The following PITPNM2 variants were observed in gnomAD, a reference collection of about 807,000 sequenced individuals.
The protein encoded by PITPNM2 is membrane-associated phosphatidylinositol transfer protein 2.
PITPNM2 carries 35 observed loss-of-function variants against 132.2 expected under a neutral mutation model. That is an observed-to-expected ratio of 0.26 (90% confidence interval 0.20 to 0.35). The LOEUF (loss-of-function observed/expected upper bound fraction) is 0.35. PITPNM2 is among the 10% of genes least tolerant of loss of function. The pLI, the probability that PITPNM2 is intolerant of heterozygous loss-of-function variation, is 1.00. For missense variants in PITPNM2, 1,332 were observed against 1,912.0 expected, an observed-to-expected ratio of 0.70 and a Z score of 5.66; for synonymous variants, 738 against 799.2, an observed-to-expected ratio of 0.92 and a Z score of 1.29.
At chr12:123,103,846 C>T (rs1291244429) in intron 2 of PITPNM2, among the ~76,000 whole-genome samples, 1 of 152,176 alleles carries the variant, frequency 6.6e-6, no homozygotes, top group African/African-American at 2.4e-5. Flanking sequence ...AAGCAAGAGG[C>T]ACCCAATGCC....
chr12:123,133,918 G>A (rs952308113), intron 1 of PITPNM2, among the ~76,000 whole-genome samples: 1 of 152,166 alleles, frequency 6.6e-6, no homozygotes, highest in African/African-American at 2.4e-5. Flanking sequence ...CTGACCTCAG[G>A]TGATACGCCC....
rs1195177014 is a variant in PITPNM2, at chr12:123,000,513, T to C, written c.1224+265A>G. 2.9e-6 allele frequency: 2 copies of C among 700,810 alleles called. No individual in the cohort carries two copies. The highest frequency in any genetic ancestry group is 5.2e-6 in the Non-Finnish European group (2 of 383,922). The allele number at this position is 700,810 out of a possible 1,614,324, so 43.4% of individuals were successfully genotyped here. A position where few individuals can be genotyped will look rare whatever the true frequency, so the allele number is the denominator to read the frequency against. ...ACAAGTTTCTCATTTTACTTTCCCA[T>C]GGGTGGAGCTTGGATAAGGCTTTCT... On this transcript the variant is annotated intron_variant, in intron 10 of 25. Transcript: ENST00000320201. The surrounding 1 kb of genome is among the most constrained non-coding windows in gnomAD (Gnocchi z 5.4).
Position 123,000,654 on chromosome 12 carries a change from G to A in PITPNM2, c.1224+124C>T, listed in dbSNP as rs958571637. The stretch of plus-strand genomic sequence containing the variant: ...AGGCCTCTCCCCAGACAGTACCCAG[G>A]CAGGCGTGGAGGTGAGGCTGCCAGG... On this transcript the variant is annotated intron_variant, in intron 10 of 25. Transcript: ENST00000320201. This position sits in a 1 kb window ranked among gnomAD's most constrained non-coding sequence, Gnocchi z 5.4. The A allele has an allele frequency of 3.7e-6, 4 of 1,072,854 alleles. No individual in the cohort carries two copies. Among genetic ancestry groups the A allele is most frequent in the South Asian group, 1.4e-5 (1 of 69,432 alleles). 66.5% of individuals were successfully genotyped at this position (1,072,854 alleles called of 1,614,324 possible). A position where few individuals can be genotyped will look rare whatever the true frequency, so the allele number is the denominator to read the frequency against.
intron 2 of PITPNM2, among the ~76,000 whole-genome samples, chr12:123,076,971 T>C (rs961724969): frequency 6.6e-6 from 1 of 152,172 alleles, no homozygotes; most frequent in African/African-American, 2.4e-5. Flanking sequence ...GTGCCGGGCA[T>C]GGGTCGGAGT....
chr12:122,995,021 T>C, intron 14 of PITPNM2, 42 bp from the exon 15 acceptor site: 1 of 1,516,734 alleles, frequency 6.6e-7, no homozygotes, highest in Non-Finnish European at 8.8e-7. Flanking sequence ...TGGGTGCAGC[T>C]GCCATCATCT....
chr12:123,134,839 C>T (rs1011361135), intron 1 of PITPNM2, among the ~76,000 whole-genome samples: 3 of 152,126 alleles, frequency 2.0e-5, no homozygotes, highest in Non-Finnish European at 4.4e-5. Flanking sequence ...AATAAGGCCT[C>T]TGCGGGACTC....
intron 3 of PITPNM2, 115 bp from the exon 4 acceptor site, chr12:123,014,157 G>A (rs917469491): frequency 1.2e-5 from 13 of 1,098,424 alleles, no homozygotes; most frequent in Middle Eastern, 6.0e-4. Context: ...TTTGGTCAAC[G>A]AGGCTGGCTC....
At position 122,986,570 on chromosome 12, in the gene PITPNM2, G is replaced by A; in HGVS notation, c.3598-6C>T. The A allele has an allele frequency of 3.1e-6, 5 of 1,598,478 alleles. No individual in the cohort carries two copies. The highest frequency in any genetic ancestry group is 3.4e-6 in the Non-Finnish European group (4 of 1,169,924). ...GCGTGCACGCGCAGGTGCAGCTGTG[G>A]GGAGACTGGCATGGGCACAGGCACC... On this transcript the variant is annotated splice_region_variant and splice_polypyrimidine_tract_variant and intron_variant, in intron 24 of 25. Transcript: ENST00000320201.
chr12:123,116,647 C>CAAAAA (rs5801499), intron 1 of PITPNM2, among the ~76,000 whole-genome samples: 1 of 107,902 alleles, frequency 9.3e-6, no homozygotes, highest in African/African-American at 3.5e-5. Flanking sequence ...GACCTTGTTT[C>CAAAAA]AAAAAAAAAA....
intron 2 of PITPNM2, among the ~76,000 whole-genome samples, chr12:123,042,937 T>G (rs576739438): frequency 6.6e-6 from 1 of 151,502 alleles, no homozygotes; most frequent in Non-Finnish European, 1.5e-5. Context: ...GTTGCAGGAG[T>G]GTGTGGCTGC....
chr12:123,010,919 G>A (rs2039170870), intron 5 of PITPNM2, among the ~76,000 whole-genome samples: 2 of 152,256 alleles, frequency 1.3e-5, no homozygotes, highest in Non-Finnish European at 1.5e-5. Flanking sequence ...AGCAGGGGCA[G>A]ATGCCACAGA....
At chr12:123,017,499 C>T (rs2039475345) in intron 3 of PITPNM2, among the ~76,000 whole-genome samples, 1 of 152,198 alleles carries the variant, frequency 6.6e-6, no homozygotes. Context: ...TACTTGTACA[C>T]CAAGCCTTCA....
chr12:123,034,548 C>T lies in PITPNM2; in HGVS notation c.43G>A (p.Glu15Lys), dbSNP rs1429730541. The stretch of plus-strand genomic sequence containing the variant: ...TACAGCTGGGCGATGCGGTACTCCT[C>T]CACGGTCATTGGCAGAGGAATCCGA... ...EYRIPLPMTV[E>K]EYRIAQLYMI... Residue 15 changes from glutamate to lysine, a missense_variant, in exon 3 of 26, where the codon GAG becomes AAG. Around this residue, in one of 6 missense-constraint regions of PITPNM2, gnomAD observed 83 missense variants for 118.7 expected, o/e 0.70. Transcript: ENST00000320201. 7 of 1,614,114 alleles carry T rather than the reference C, an allele frequency of 4.3e-6. No homozygotes were observed. Among genetic ancestry groups the T allele is most frequent in the Non-Finnish European group, 5.9e-6 (7 of 1,180,046 alleles).
intron 1 of PITPNM2, among the ~76,000 whole-genome samples, chr12:123,144,788 C>A (rs2043577971): frequency 6.6e-6 from 1 of 152,134 alleles, no homozygotes; most frequent in African/African-American, 2.4e-5. Context: ...TGGTCTCGAA[C>A]TCCTGACCTC....
intron 3 of PITPNM2, among the ~76,000 whole-genome samples, chr12:123,027,658 T>G (rs1592955498): frequency 6.6e-6 from 1 of 152,056 alleles, no homozygotes; most frequent in Admixed American, 6.5e-5. Flanking sequence ...TGTGGAGGGG[T>G]GTGAGGGCTG....
intron 2 of PITPNM2, among the ~76,000 whole-genome samples, chr12:123,094,501 AT>A (rs1197762250): frequency 6.6e-6 from 1 of 152,218 alleles, no homozygotes; most frequent in Non-Finnish European, 1.5e-5. Flanking sequence ...GGAAGTCTCC[AT>A]CATCTGCTCT....
intron 2 of PITPNM2, among the ~76,000 whole-genome samples, chr12:123,041,649 C>T (rs1257887647): frequency 2.0e-5 from 3 of 152,318 alleles, no homozygotes; most frequent in East Asian, 3.9e-4. Flanking sequence ...CATTTCATCT[C>T]GTCTCTGCCG....
intron 2 of PITPNM2, among the ~76,000 whole-genome samples, chr12:123,102,239 A>G (rs956968829): frequency 6.6e-6 from 1 of 152,208 alleles, no homozygotes; most frequent in African/African-American, 2.4e-5. Context: ...GTGGGGGAAG[A>G]TGCTGCCCTG....
chr12:123,037,323 G>T (rs2040305434), intron 2 of PITPNM2, among the ~76,000 whole-genome samples: 1 of 152,224 alleles, frequency 6.6e-6, no homozygotes, highest in Non-Finnish European at 1.5e-5. Context: ...TAGGGTTGGA[G>T]ACGGGAAGGG....
Sources: gnomAD v4.1 joint callset for allele counts (sites outside exome capture counted in the v4.1 genomes callset) on GRCh38, gnomAD v4.1.1 for gene constraint, gnomAD v4.1.1 regional missense constraint, Gnocchi (gnomAD v3.1) non-coding constraint, MANE v1.5 for transcripts, NCBI Gene and HGNC (gene_info 2026-07-23, HGNC 2026-07-21) for gene names.